The following GRID2 variants were observed in gnomAD, a reference collection of about 807,000 sequenced individuals.
The protein encoded by GRID2 is glutamate receptor ionotropic, delta-2.
In GRID2, 33 loss-of-function variants were observed where a neutral mutation model predicts 114.8. That is an observed-to-expected ratio of 0.29 (90% confidence interval 0.22 to 0.38). GRID2 has a LOEUF of 0.38. Among genes scored for constraint, GRID2 ranks in the 10% least tolerant of loss-of-function variants. The pLI is 1.00. For synonymous variants in GRID2, 505 were observed against 449.9 expected (o/e 1.12, Z -1.55); for missense variants, 1,184 against 1,257.7 (o/e 0.94, Z 0.89).
intron 2 of GRID2, among the ~76,000 whole-genome samples, chr4:92,781,686 T>A (rs1236962291): frequency 6.6e-6 from 1 of 152,072 alleles, no homozygotes; most frequent in African/African-American, 2.4e-5. Flanking sequence ...AAACTTCTAC[T>A]TTTATCAGTA....
chr4:93,672,906 A>C (rs1724552402), intron 14 of GRID2, among the ~76,000 whole-genome samples: 1 of 152,214 alleles, frequency 6.6e-6, no homozygotes, highest in African/African-American at 2.4e-5. Context: ...TGAATGTAAA[A>C]GGATGATAAG....
Position 93,321,263 on chromosome 4 carries a change from A to G in GRID2, c.1246-74344A>G, listed in dbSNP as rs185520200. Reference sequence around the variant, plus strand: ...ATCACAGAGCCCACTACAAATGTCTACTTCTAGCTGGTAAACATACAGGAT... The same window carrying G: ...ATCACAGAGCCCACTACAAATGTCTGCTTCTAGCTGGTAAACATACAGGAT... On this transcript the variant is annotated intron_variant, in intron 8 of 15. Transcript: ENST00000282020. 1.1e-3 allele frequency among the ~76,000 whole-genome samples: 174 copies of G among 152,168 alleles called. 1 individual carries two copies. The highest frequency in any genetic ancestry group is 1.7e-3 in the Non-Finnish European group (118 of 67,998).
intron 8 of GRID2, among the ~76,000 whole-genome samples, chr4:93,242,073 G>T (rs1045170827): frequency 2.0e-5 from 3 of 151,826 alleles, no homozygotes; most frequent in African/African-American, 7.3e-5. Flanking sequence ...AAGGGGTAGG[G>T]GTAAGAAAAG....
At chr4:92,572,897 G>A (rs901088805) in intron 1 of GRID2, among the ~76,000 whole-genome samples, 2 of 152,018 alleles carry the variant, frequency 1.3e-5, no homozygotes, top group African/African-American at 2.4e-5. Flanking sequence ...AGTAGGAATG[G>A]TACTGGCTTT....
chr4:93,600,986 A>G, intron 13 of GRID2, among the ~76,000 whole-genome samples: 1 of 152,228 alleles, frequency 6.6e-6, no homozygotes, highest in East Asian at 1.9e-4. Flanking sequence ...TCATGGTGAG[A>G]GAAATCAGAG....
intron 2 of GRID2, among the ~76,000 whole-genome samples, chr4:92,722,600 A>G (rs1735863027): frequency 6.6e-6 from 1 of 152,078 alleles, no homozygotes; most frequent in African/African-American, 2.4e-5. Context: ...GAAATAAGGA[A>G]AGTTTCAATT....
rs1442113550 is a variant in GRID2 at position 92,486,546 on chromosome 4, T to TTC, written c.89-103584_89-103583dup. 5.6e-4 allele frequency among the ~76,000 whole-genome samples: 43 copies of TTC among 76,778 alleles called. 1 individual carries two copies. The East Asian group carries it at 0.014, about 24-fold the overall frequency. The allele number at this position is 76,778 out of a possible 152,430, so 50.4% of individuals were successfully genotyped here. ...AATAGCCTTATAAATCTCTCTCTCT[T>TTC]TCACACACACACACACACACACACA... is the stretch of plus-strand genomic sequence containing the variant. On this transcript the variant is annotated intron_variant, in intron 1 of 15. Coordinates refer to ENST00000282020, the MANE Select transcript of GRID2 (RefSeq NM_001510.4).
chr4:93,439,862 C>T (rs1223074651), intron 10 of GRID2, among the ~76,000 whole-genome samples: 3 of 152,002 alleles, frequency 2.0e-5, no homozygotes, highest in African/African-American at 4.8e-5. Context: ...GGCATTCTTC[C>T]CATAAAGTCG....
At chr4:92,558,060 T>C (rs1220744512) in intron 1 of GRID2, among the ~76,000 whole-genome samples, 1 of 152,114 alleles carries the variant, frequency 6.6e-6, no homozygotes, top group East Asian at 1.9e-4. Context: ...GCCAATGAAG[T>C]TTCTTACATT....
chr4:92,775,491 T>A (rs1041612144), intron 2 of GRID2, among the ~76,000 whole-genome samples: 1 of 152,188 alleles, frequency 6.6e-6, no homozygotes, highest in Non-Finnish European at 1.5e-5. Context: ...AGAGCAGACT[T>A]GCTGATATAG....
chr4:92,793,447 G>C (rs1164643773), intron 2 of GRID2, among the ~76,000 whole-genome samples: 1 of 151,340 alleles, frequency 6.6e-6, no homozygotes, highest in Non-Finnish European at 1.5e-5. Flanking sequence ...ATGGGTACTA[G>C]GCTTAACACC....
intron 9 of GRID2, among the ~76,000 whole-genome samples, chr4:93,403,471 T>C (rs1766103751): frequency 6.6e-6 from 1 of 152,112 alleles, no homozygotes; most frequent in African/African-American, 2.4e-5. Context: ...TTGCAAATCA[T>C]ATATCTCATA....
chr4:92,869,391 C>T (rs188170892), intron 2 of GRID2, among the ~76,000 whole-genome samples: 68 of 152,230 alleles, frequency 4.5e-4, no homozygotes, highest in African/African-American at 1.6e-3. Flanking sequence ...AAAAATCCAG[C>T]AGATGAGGTC....
chr4:93,807,802 C>T (rs1322671805), exon 2 of GRID2: 5 of 152,166 alleles, frequency 3.3e-5, no homozygotes, highest in African/African-American at 1.2e-4. Flanking sequence ...TTGAGGACCA[C>T]TATGTGCCAA....
At chr4:92,477,427 C>T (rs1490463998) in intron 1 of GRID2, among the ~76,000 whole-genome samples, 8 of 151,888 alleles carry the variant, frequency 5.3e-5, no homozygotes, top group Admixed American at 1.3e-4. Context: ...ATACTACTGT[C>T]GTGGTTCACT....
chr4:93,395,775 A>G, intron 9 of GRID2, 67 bp downstream of exon 9: 1 of 714,426 alleles, frequency 1.4e-6, no homozygotes, highest in Non-Finnish European at 2.6e-6. Flanking sequence ...TTCTTTCTTT[A>G]TTAACTGATG....
intron 8 of GRID2, among the ~76,000 whole-genome samples, chr4:93,293,406 A>T (rs1753955331): frequency 6.6e-6 from 1 of 152,184 alleles, no homozygotes; most frequent in Non-Finnish European, 1.5e-5. Flanking sequence ...TAATTATAAA[A>T]ATGTTCAAGA....
chr4:93,673,358 A>G (rs904822949), intron 14 of GRID2, among the ~76,000 whole-genome samples: 3 of 152,220 alleles, frequency 2.0e-5, no homozygotes, highest in African/African-American at 4.8e-5. Flanking sequence ...CTTTGATTTA[A>G]AAGATTGTAT....
chr4:93,320,320 A>T (rs1229040539), intron 8 of GRID2, among the ~76,000 whole-genome samples: 1 of 152,130 alleles, frequency 6.6e-6, no homozygotes, highest in East Asian at 1.9e-4. Flanking sequence ...GTCATAAAAG[A>T]TAAGGTCAAA....
Sources: allele counts gnomAD v4.1 joint callset (sites outside exome capture counted in the v4.1 genomes callset), GRCh38; gene constraint gnomAD v4.1.1; transcripts MANE v1.5; gene names NCBI Gene and HGNC (gene_info 2026-07-23, HGNC 2026-07-21).